The following CEP97 variants were observed in gnomAD, a reference collection of about 807,000 sequenced individuals.
CEP97 encodes the protein centrosomal protein 97, also known as centrosomal protein of 97 kDa.
CEP97 carries 43 observed loss-of-function variants against 73.1 expected under a neutral mutation model. That is an observed-to-expected ratio of 0.59 (90% CI 0.46 to 0.76). CEP97 has a LOEUF of 0.76. Among genes scored for constraint, CEP97 ranks in the 30% least tolerant of loss-of-function variants. The probability of loss-of-function intolerance (pLI) is 0.00; values close to 1 mark genes in which losing one functional copy is unlikely to be tolerated. For synonymous variants in CEP97, 337 were observed against 370.0 expected (o/e 0.91, Z 1.02); for missense variants, 939 against 1,014.0 (o/e 0.93, Z 1.00).
At chr3:101,752,608 T>C (rs886649595) in intron 6 of CEP97, among the ~76,000 whole-genome samples, 2 of 152,208 alleles carry the variant, frequency 1.3e-5, no homozygotes, top group Non-Finnish European at 2.9e-5. Flanking sequence ...TATTCTTTTT[T>C]CTGTAAACTT....
Position 101,761,483 on chromosome 3 carries a change from G to T in CEP97, c.1818-1002G>T, listed in dbSNP as rs1576701544. On this transcript the variant is annotated intron_variant, in intron 9 of 10. Coordinates refer to ENST00000341893, the MANE Select transcript of CEP97 (RefSeq NM_024548.4). ...GCCTGGTGCTGAGACTTCATTGAATGGGAGCAGATGGTGGGAGGTCAGTAC... is the reference window on the plus strand; with the variant it reads ...GCCTGGTGCTGAGACTTCATTGAATTGGAGCAGATGGTGGGAGGTCAGTAC... Among the ~76,000 whole-genome samples the T allele has an allele frequency of 3.3e-5, 5 of 152,184 alleles. No homozygotes were observed. In the South Asian group the frequency reaches 1.0e-3, roughly 32 times the overall value.
chr3:101,727,280 T>C, intron 2 of CEP97, 103 bp from the exon 3 acceptor site: 1 of 879,076 alleles, frequency 1.1e-6, no homozygotes. Context: ...AAGGAGTTTG[T>C]TTGAGAGTGT....
chr3:101,755,129 T>G (rs1407812652), intron 6 of CEP97, among the ~76,000 whole-genome samples: 1 of 152,010 alleles, frequency 6.6e-6, no homozygotes, highest in African/African-American at 2.4e-5. Context: ...GGCATTTCAG[T>G]GTGACAGAAT....
intron 10 of CEP97, 116 bp from the exon 11 acceptor site, chr3:101,764,731 C>A (rs1436360513): frequency 3.0e-5 from 25 of 833,450 alleles, no homozygotes; most frequent in Non-Finnish European, 4.4e-5. Context: ...TGCAGTGAGC[C>A]ATGATTGTGC....
intron 6 of CEP97, among the ~76,000 whole-genome samples, chr3:101,744,045 G>A (rs1576685947): frequency 6.6e-6 from 1 of 151,680 alleles, no homozygotes; most frequent in East Asian, 1.9e-4. Context: ...AGGATGTGGT[G>A]CAATTGGAAT....
intron 6 of CEP97, among the ~76,000 whole-genome samples, chr3:101,754,205 C>T (rs1248094405): frequency 6.6e-6 from 1 of 151,722 alleles, no homozygotes; most frequent in Non-Finnish European, 1.5e-5. Context: ...CATCTTATAC[C>T]TTCACTCACT....
intron 6 of CEP97, among the ~76,000 whole-genome samples, chr3:101,749,244 G>A (rs1938725518): frequency 6.6e-6 from 1 of 150,580 alleles, no homozygotes; most frequent in African/African-American, 2.4e-5. Context: ...AACATGCGGT[G>A]TTTGGATTTT....
chr3:101,747,296 G>C (rs1938650295), intron 6 of CEP97, among the ~76,000 whole-genome samples: 1 of 122,764 alleles, frequency 8.1e-6, no homozygotes, highest in African/African-American at 3.2e-5. Flanking sequence ...ATCTCACTCT[G>C]TCGCCCAGGT....
rs905458732 is a variant in CEP97, at chr3:101,770,480, A to G, written c.*4929A>G. 3 of 152,236 alleles carry G rather than the reference A, an allele frequency of 2.0e-5. No homozygotes were observed. Among genetic ancestry groups the G allele is most frequent in the Non-Finnish European group, 4.4e-5 (3 of 68,042 alleles). 9.4% of individuals were successfully genotyped at this position (152,236 alleles called of 1,614,324 possible). Reference sequence around the variant, plus strand: ...ATTTAAAGTGGTTATGATGTGTTTTATGAAGGCTTACTATTTTATATTGTA... The same window carrying G: ...ATTTAAAGTGGTTATGATGTGTTTTGTGAAGGCTTACTATTTTATATTGTA... On this transcript the variant is annotated 3_prime_UTR_variant, in exon 11 of 11. Coordinates refer to ENST00000341893, the MANE Select transcript of CEP97 (RefSeq NM_024548.4).
At chr3:101,757,522 TGA>T (rs527642697) in intron 8 of CEP97, 110 bp from the exon 9 acceptor site, 6 of 985,472 alleles carry the variant, frequency 6.1e-6, no homozygotes, top group African/African-American at 1.6e-5. Flanking sequence ...AAGAAGTCAC[TGA>T]GGGGATTTTT....
intron 6 of CEP97, among the ~76,000 whole-genome samples, chr3:101,747,172 T>C (rs905878239): frequency 6.6e-6 from 1 of 151,822 alleles, no homozygotes; most frequent in Non-Finnish European, 1.5e-5. Context: ...AGCCATCCCA[T>C]TACTGGGTAT....
At chr3:101,764,209 G>A (rs373188311) in intron 10 of CEP97, among the ~76,000 whole-genome samples, 2 of 152,182 alleles carry the variant, frequency 1.3e-5, no homozygotes, top group East Asian at 1.9e-4. Flanking sequence ...GCTTGTGCCC[G>A]TAATCCCAGC....
intron 9 of CEP97, chr3:101,758,783 T>G: frequency 5.2e-6 from 1 of 192,424 alleles, no homozygotes; most frequent in Non-Finnish European, 1.1e-5. Context: ...ATTCAGTACA[T>G]GACATAAGAA....
intron 6 of CEP97, among the ~76,000 whole-genome samples, chr3:101,743,552 T>A (rs1156448584): frequency 6.6e-6 from 1 of 151,974 alleles, no homozygotes; most frequent in East Asian, 2.0e-4. Context: ...CACACCACTG[T>A]GCCCAGCTCA....
intron 4 of CEP97, among the ~76,000 whole-genome samples, chr3:101,731,212 T>A (rs1048432784): frequency 5.6e-5 from 7 of 124,020 alleles, no homozygotes; most frequent in Non-Finnish European, 1.1e-4. Flanking sequence ...TTTTTTTTTT[T>A]AATTTGAGAC....
chr3:101,757,788 A>C lies in CEP97; in HGVS notation c.1182A>C (p.Leu394Phe). ...LEDIQTDEDKLNCSLLSSEST... is the reference protein window; with the variant it reads ...LEDIQTDEDKFNCSLLSSEST... The stretch of plus-strand genomic sequence containing the variant: ...ACATACAGACGGATGAGGACAAGTT[A>C]AACTGTAGTCTTCTCTCTTCAGAGT... Residue 394 changes from leucine (L) to phenylalanine (F), a missense_variant, in exon 9 of 11, where the codon TTA becomes TTC. By Grantham distance (22) the Leu-to-Phe change is conservative. Coordinates refer to ENST00000341893, the MANE Select transcript of CEP97 (RefSeq NM_024548.4). 6.2e-7 allele frequency: 1 copy of C among 1,614,266 alleles called. No individual in the cohort carries two copies. The highest frequency in any genetic ancestry group is 8.5e-7 in the Non-Finnish European group (1 of 1,180,046).
intron 9 of CEP97, chr3:101,758,675 G>A (rs574336766): frequency 2.5e-4 from 115 of 461,966 alleles, no homozygotes; most frequent in African/African-American, 1.5e-3. Flanking sequence ...TTCAATGAAC[G>A]TGAGCTTTAT....
rs1166223831 is a variant in CEP97 at position 101,768,280 on chromosome 3, C to A, written c.*2729C>A. On this transcript the variant is annotated 3_prime_UTR_variant, in exon 11 of 11. Coordinates refer to ENST00000341893, the MANE Select transcript of CEP97 (RefSeq NM_024548.4). ...TTATAGCTAGTTAGTAGTAAATAAA[C>A]TGAAAACCTATATGCTACTGTAGTC... The A allele has an allele frequency of 1.3e-5, 2 of 152,200 alleles. No individual in the cohort carries two copies. Among genetic ancestry groups the A allele is most frequent in the Non-Finnish European group, 2.9e-5 (2 of 68,032 alleles). The allele number at this position is 152,200 out of a possible 1,614,324, so 9.4% of individuals were successfully genotyped here.
chr3:101,762,077 T>A (rs1295788040), intron 9 of CEP97, among the ~76,000 whole-genome samples: 1 of 152,218 alleles, frequency 6.6e-6, no homozygotes, highest in Admixed American at 6.5e-5. Flanking sequence ...TTAATTGTTT[T>A]GGAGGCTTTG....
Sources: gnomAD v4.1 joint callset for allele counts (sites outside exome capture counted in the v4.1 genomes callset) on GRCh38, gnomAD v4.1.1 for gene constraint, MANE v1.5 for transcripts, NCBI Gene and HGNC (gene_info 2026-07-23, HGNC 2026-07-21) for gene names.